Variants in AUP1 observed in about 807,000 individuals in gnomAD.
AUP1 encodes AUP1 lipid droplet regulating VLDL assembly factor.
A neutral mutation model predicts 51.8 loss-of-function variants in AUP1; 30 were observed. The ratio of observed to expected loss-of-function variants is 0.58; its 90% CI spans 0.43 to 0.79. AUP1 has a LOEUF of 0.79. Ranked by LOEUF, AUP1 falls within the 30% of genes least tolerant of loss-of-function variation. AUP1 has a pLI of 0.00. For synonymous variants in AUP1, 227 were observed against 209.0 expected, an observed-to-expected ratio of 1.09 and a Z score of -0.74; for missense variants, 492 against 517.1, an observed-to-expected ratio of 0.95 and a Z score of 0.47.
At chr2:74,529,074 C>T (rs1275319625) in intron 3 of AUP1, 58 bp downstream of exon 3, 7 of 1,612,940 alleles carry the variant, frequency 4.3e-6, no homozygotes, top group Non-Finnish European at 5.9e-6. Flanking sequence ...GACAGGGGGG[C>T]CTTCAGCTGG....
chr2:74,528,128 G>T, intron 6 of AUP1, 120 bp downstream of exon 6: 1 of 1,476,468 alleles, frequency 6.8e-7, no homozygotes. Flanking sequence ...AATACTTTGT[G>T]TTGCCTCTGT....
rs1383630224 is a variant in AUP1 at position 74,528,245 on chromosome 2, T to C, written c.671+3A>G. 1.2e-6 allele frequency: 2 copies of C among 1,613,280 alleles called. No homozygotes were observed. The highest frequency in any genetic ancestry group is 1.7e-6 in the Non-Finnish European group (2 of 1,179,344). On this transcript the variant is annotated splice_donor_region_variant and intron_variant, in intron 6 of 11. Coordinates refer to ENST00000377526, the MANE Select transcript of AUP1 (RefSeq NM_181575.5). Reference sequence around the variant, plus strand: ...GCGACCAAAATGTGAGGACAGTTAATACCTTACTTGATACACCGTGAAAGG... The same window carrying C: ...GCGACCAAAATGTGAGGACAGTTAACACCTTACTTGATACACCGTGAAAGG...
intron 6 of AUP1, 72 bp downstream of exon 6, chr2:74,528,176 G>T: frequency 6.6e-7 from 1 of 1,515,948 alleles, no homozygotes; most frequent in Non-Finnish European, 9.2e-7. Flanking sequence ...AATGGACAGG[G>T]CAGAGGCCAC....
At position 74,526,987 on chromosome 2, in the gene AUP1, C is replaced by T. The variant is rs552807957; in HGVS notation, c.1150G>A (p.Glu384Lys). The change falls in exon 11 of 12, where the codon GAG (glutamate) becomes AAG (lysine). Residue 384 changes from glutamate (E) to lysine (K), a missense_variant. Coordinates refer to ENST00000377526, the MANE Select transcript of AUP1 (RefSeq NM_181575.5). Reference protein sequence around the residue: ...TFAKSSWARQESLQERKQALY... With the variant: ...TFAKSSWARQKSLQERKQALY... ...GCTTGCTTGCGCTCCTGCAGGCTCT[C>T]CTGCCGGGCCCAGGAAGACTTGGCA... 36 of 1,614,178 alleles carry T rather than the reference C, an allele frequency of 2.2e-5. No individual in the cohort carries two copies. The East Asian group carries it at 8.0e-4, about 36-fold the overall frequency.
chr2:74,527,771 T>C lies in AUP1; in HGVS notation c.806A>G (p.Lys269Arg). 2.5e-6 allele frequency: 4 copies of C among 1,613,970 alleles called. No individual in the cohort carries two copies. The highest frequency in any genetic ancestry group is 3.4e-6 in the Non-Finnish European group (4 of 1,179,998). ...LTPADKAEHMKRQRHPRLRPQ... is the reference protein window; with the variant it reads ...LTPADKAEHMRRQRHPRLRPQ... ...GCGCAATCTGGGGTGTCTTTGTCGC[T>C]TCATGTGCTCTGCTTTGTCAGCTGG... is the stretch of plus-strand genomic sequence containing the variant. The change falls in exon 8 of 12, where the codon AAG becomes AGG. Residue 269 changes from lysine (K) to arginine (R), a missense_variant. Lys to Arg is a conservative substitution (Grantham distance 26, BLOSUM62 2). Transcript: ENST00000377526.
chr2:74,526,722 C>G lies in AUP1; in HGVS notation c.*78G>C. 3 of 1,466,510 alleles carry G rather than the reference C, an allele frequency of 2.0e-6. No individual in the cohort carries two copies. The highest frequency in any genetic ancestry group is 2.7e-6 in the Non-Finnish European group (3 of 1,093,946). The allele number at this position is 1,466,510 out of a possible 1,614,324, so 90.8% of individuals were successfully genotyped here. A position where few individuals can be genotyped will look rare whatever the true frequency, so the allele number is the denominator to read the frequency against. On this transcript the variant is annotated 3_prime_UTR_variant, in exon 12 of 12. Coordinates refer to ENST00000377526, the MANE Select transcript of AUP1 (RefSeq NM_181575.5). ...CCTTCCCTTTTTACCACCCACCCAT[C>G]CAGCCTGTTGTGAGTTGGGTGAGGG...
At position 74,526,999 on chromosome 2, in the gene AUP1, A is replaced by T; in HGVS notation, c.1138T>A (p.Trp380Arg). ...PTALTFAKSS[W>R]ARQESLQERK... ...TCCTGCAGGCTCTCCTGCCGGGCCCAGGAAGACTTGGCAAATGTTAGGGCT... is the reference window on the plus strand; with the variant it reads ...TCCTGCAGGCTCTCCTGCCGGGCCCTGGAAGACTTGGCAAATGTTAGGGCT... Residue 380 changes from tryptophan (W) to arginine (R), a missense_variant, in exon 11 of 12, where the codon TGG becomes AGG. By Grantham distance (101) the Trp-to-Arg change is moderately radical (BLOSUM62 -3). Coordinates refer to ENST00000377526, the MANE Select transcript of AUP1 (RefSeq NM_181575.5). 1 of 1,614,162 alleles carries T rather than the reference A, an allele frequency of 6.2e-7. No individual in the cohort carries two copies. The highest frequency in any genetic ancestry group is 1.6e-4 in the Middle Eastern group (1 of 6,062).
intron 8 of AUP1, 49 bp downstream of exon 8, chr2:74,527,687 G>C: frequency 6.3e-7 from 1 of 1,594,010 alleles, no homozygotes; most frequent in Non-Finnish European, 8.5e-7. Context: ...AATCACAGTA[G>C]GCCGAAAAAA....
In AUP1 at chr2:74,526,971, C is replaced by A. The variant is rs370905890; in HGVS notation, c.1166G>T (p.Arg389Leu). The A allele has an allele frequency of 3.1e-6, 5 of 1,614,152 alleles. No individual in the cohort carries two copies. The highest frequency in any genetic ancestry group is 4.2e-6 in the Non-Finnish European group (5 of 1,180,038). The change falls in exon 11 of 12, where the codon CGC becomes CTC. Residue 389 changes from arginine (R) to leucine (L), a missense_variant. Arg to Leu is a moderately radical substitution (Grantham distance 102). Transcript: ENST00000377526. ...SWARQESLQE[R>L]KQALYEYARR... ...TGCGTATTCATATAGTGCTTGCTTGCGCTCCTGCAGGCTCTCCTGCCGGGC... is the reference window on the plus strand; with the variant it reads ...TGCGTATTCATATAGTGCTTGCTTGAGCTCCTGCAGGCTCTCCTGCCGGGC...
Position 74,528,493 on chromosome 2 carries a change from G to C in AUP1, c.525-4C>G, listed in dbSNP as rs775198524. 1 of 1,611,268 alleles carries C rather than the reference G, an allele frequency of 6.2e-7. No homozygotes were observed. Among genetic ancestry groups the C allele is most frequent in the Non-Finnish European group, 8.5e-7 (1 of 1,177,970 alleles). ...TTGGATAGAAAATGGCCAGGAACTA[G>C]AAGAGGAAGGAGAAAGTAGGATGGG... On this transcript the variant is annotated splice_region_variant and splice_polypyrimidine_tract_variant and intron_variant, in intron 4 of 11. Transcript: ENST00000377526.
chr2:74,527,944 T>G lies in AUP1; in HGVS notation c.734A>C (p.Gln245Pro). The G allele has an allele frequency of 1.2e-6, 2 of 1,614,138 alleles. No homozygotes were observed. Among genetic ancestry groups the G allele is most frequent in the Non-Finnish European group, 1.7e-6 (2 of 1,180,024 alleles). ...EANEEFALRV[Q>P]QLVAKELGQT... ...CCTGTCTGTGCACCCGACCACCTGT[T>G]GTACACGGAGTGCAAACTCCTCATT... Residue 245 changes from glutamine to proline, a missense_variant, in exon 7 of 12, where the codon CAA becomes CCA. By Grantham distance (76) the Gln-to-Pro change is moderately conservative. Transcript: ENST00000377526.
At chr2:74,527,435 GCCCATCT>G (rs772564197) in intron 9 of AUP1, 29 bp downstream of exon 9, 1 of 1,610,678 alleles carries the variant, frequency 6.2e-7, no homozygotes, top group African/African-American at 1.3e-5. Context: ...TCCTCCCTGT[GCCCATCT>G]CCCAGTGTGG....
intron 6 of AUP1, 54 bp downstream of exon 6, chr2:74,528,194 T>C: frequency 6.4e-7 from 1 of 1,560,346 alleles, no homozygotes; most frequent in African/African-American, 1.4e-5. Flanking sequence ...CACTAATTCC[T>C]TGACCTTGAG....
At chr2:74,528,583 G>T in intron 4 of AUP1, 94 bp from the exon 5 acceptor site, 1 of 1,396,626 alleles carries the variant, frequency 7.2e-7, no homozygotes, top group Non-Finnish European at 1.0e-6. Context: ...AACTCTACAA[G>T]CACATAATTG....
intron 4 of AUP1, 64 bp downstream of exon 4, chr2:74,528,687 A>G: frequency 6.5e-7 from 1 of 1,526,784 alleles, no homozygotes; most frequent in Non-Finnish European, 8.8e-7. Context: ...AAGTTGTAAA[A>G]ACTCAAGGGC....
At position 74,529,662 on chromosome 2, in the gene AUP1, G is replaced by A. The variant is rs1416953255; in HGVS notation, c.-33C>T. On this transcript the variant is annotated 5_prime_UTR_variant, in exon 1 of 12. Coordinates refer to ENST00000377526, the MANE Select transcript of AUP1 (RefSeq NM_181575.5). ...GCTTCAGGAGCGCCCGGCCGTCGCC[G>A]CCGCCGCCATTTTCGCGCCCGGCCG... The A allele has an allele frequency of 5.8e-6, 9 of 1,544,634 alleles. No homozygotes were observed. The South Asian group carries it at 8.3e-5, about 14-fold the overall frequency.
chr2:74,529,424 G>A lies in AUP1; in HGVS notation c.126C>T (p.Arg42=), dbSNP rs759469312. Residue 42 remains arginine (R), a synonymous_variant, in exon 2 of 12, where the codon CGC becomes CGT. Coordinates refer to ENST00000377526, the MANE Select transcript of AUP1 (RefSeq NM_181575.5). ...APVGFCLLVL[R]LFLGIHVFLV... ...GGAAGACGTGGATCCCGAGAAAGAG[G>A]CGCAGGACGAGGAGGCAGAACCCGA... 7 of 1,586,988 alleles carry A rather than the reference G, an allele frequency of 4.4e-6. No homozygotes were observed. Among genetic ancestry groups the A allele is most frequent in the East Asian group, 2.3e-5 (1 of 43,608 alleles).
At chr2:74,528,040 C>G (rs1675282197) in intron 6 of AUP1, 34 bp from the exon 7 acceptor site, 3 of 1,612,422 alleles carry the variant, frequency 1.9e-6, no homozygotes, top group Non-Finnish European at 1.7e-6. Context: ...ATGTTGTGGG[C>G]ACCCAGGGTA....
In AUP1 at chr2:74,529,296, AGGT is replaced by A; in HGVS notation, c.189-17_189-15del. On this transcript the variant is annotated splice_polypyrimidine_tract_variant and intron_variant, in intron 2 of 11. Coordinates refer to ENST00000377526, the MANE Select transcript of AUP1 (RefSeq NM_181575.5). ...CGCACTACGAATCTGGGGACACAGGAGGTGGTGACTGTGTGGCCTCGGGCCAGA... is the reference window on the plus strand; with the variant it reads ...CGCACTACGAATCTGGGGACACAGGAGGTGACTGTGTGGCCTCGGGCCAGA... The A allele has an allele frequency of 6.2e-7, 1 of 1,614,102 alleles. No individual in the cohort carries two copies. Among genetic ancestry groups the A allele is most frequent in the Non-Finnish European group, 8.5e-7 (1 of 1,179,984 alleles).
Sources: gnomAD v4.1 joint callset for allele counts on GRCh38, gnomAD v4.1.1 for gene constraint, MANE v1.5 for transcripts, NCBI Gene and HGNC (gene_info 2026-07-23, HGNC 2026-07-21) for gene names.